ARHGAP26: variants seen among roughly 807,000 people sequenced by gnomAD.
ARHGAP26 encodes rho GTPase-activating protein 26.
In ARHGAP26, 38 loss-of-function variants were observed where a neutral mutation model predicts 104.8. That is an observed-to-expected ratio of 0.36 (90% CI 0.28 to 0.48). The LOEUF (loss-of-function observed/expected upper bound fraction) is 0.48. ARHGAP26 is among the 20% of genes least tolerant of loss of function. ARHGAP26 has a pLI of 0.99. For synonymous variants in ARHGAP26, 341 were observed against 340.0 expected (o/e 1.00, Z -0.03); for missense variants, 704 against 947.9 (o/e 0.74, Z 3.38).
At chr5:143,020,403 A>G (rs1366920106) in intron 12 of ARHGAP26, among the ~76,000 whole-genome samples, 2 of 152,158 alleles carry the variant, frequency 1.3e-5, no homozygotes, top group Admixed American at 6.5e-5. Flanking sequence ...AGATGGCCCA[A>G]TTACATCGTG....
At chr5:143,075,160 G>T (rs765546777) in intron 17 of ARHGAP26, among the ~76,000 whole-genome samples, 1 of 152,108 alleles carries the variant, frequency 6.6e-6, no homozygotes, top group Non-Finnish European at 1.5e-5. Flanking sequence ...TTGTTACCTA[G>T]AACAAGAGTT....
At chr5:143,122,570 GCAACACCT>G (rs1265982588) in intron 18 of ARHGAP26, among the ~76,000 whole-genome samples, 1 of 152,194 alleles carries the variant, frequency 6.6e-6, no homozygotes, top group Non-Finnish European at 1.5e-5. Flanking sequence ...CTAGAATTGG[GCAACACCT>G]CATTCTGTAA....
At chr5:143,109,316 G>A (rs1310889981) in intron 17 of ARHGAP26, among the ~76,000 whole-genome samples, 3 of 152,222 alleles carry the variant, frequency 2.0e-5, no homozygotes, top group Non-Finnish European at 4.4e-5. Context: ...AGATATATAG[G>A]CGCAAAGGCA....
At chr5:142,948,635 T>C (rs1353944063) in intron 11 of ARHGAP26, among the ~76,000 whole-genome samples, 2 of 151,572 alleles carry the variant, frequency 1.3e-5, no homozygotes, top group Non-Finnish European at 2.9e-5. Flanking sequence ...AGACAATTCC[T>C]ATACTTTCCT....
At chr5:143,151,788 T>G (rs1479002501) in intron 20 of ARHGAP26, among the ~76,000 whole-genome samples, 1 of 152,062 alleles carries the variant, frequency 6.6e-6, no homozygotes, top group African/African-American at 2.4e-5. Context: ...AAACCCCATC[T>G]CTACTAAAAA....
chr5:142,771,397 C>A (rs1277965329), intron 1 of ARHGAP26: 5 of 1,231,780 alleles, frequency 4.1e-6, no homozygotes, highest in African/African-American at 1.6e-5. Flanking sequence ...CTGCTTCGCT[C>A]CCTGTACGCA....
chr5:143,148,093 C>G (rs77104676), intron 20 of ARHGAP26, among the ~76,000 whole-genome samples: 1 of 152,126 alleles, frequency 6.6e-6, no homozygotes, highest in South Asian at 2.1e-4. Context: ...TGTCAACTAG[C>G]GCCTTTGCAG....
At chr5:142,986,719 A>G (rs1473869630) in intron 11 of ARHGAP26, among the ~76,000 whole-genome samples, 3 of 152,186 alleles carry the variant, frequency 2.0e-5, no homozygotes, top group Non-Finnish European at 4.4e-5. Context: ...AGCTTTCTAT[A>G]TATGGCTAGC....
chr5:142,903,260 G>A (rs1760631191), intron 7 of ARHGAP26, among the ~76,000 whole-genome samples: 1 of 152,148 alleles, frequency 6.6e-6, no homozygotes, highest in Admixed American at 6.5e-5. Flanking sequence ...ACACTTTTTG[G>A]CATCCAGAGG....
At chr5:142,940,262 A>G (rs1766043588) in intron 11 of ARHGAP26, among the ~76,000 whole-genome samples, 1 of 152,168 alleles carries the variant, frequency 6.6e-6, no homozygotes, top group African/African-American at 2.4e-5. Context: ...TGAGCTTGCT[A>G]GGCTCTAGTG....
intron 20 of ARHGAP26, chr5:143,170,627 A>G (rs1336453189): frequency 6.6e-6 from 1 of 152,252 alleles, no homozygotes; most frequent in Non-Finnish European, 1.5e-5. Flanking sequence ...CAGGCATTTT[A>G]CATGTGTGTA....
intron 1 of ARHGAP26, among the ~76,000 whole-genome samples, chr5:142,790,213 G>T (rs1759515891): frequency 6.6e-6 from 1 of 152,200 alleles, no homozygotes; most frequent in Admixed American, 6.5e-5. Flanking sequence ...ACTGAGTGAT[G>T]GATGGTAGAG....
chr5:143,092,385 C>T (rs535258411), intron 17 of ARHGAP26, among the ~76,000 whole-genome samples: 10 of 152,182 alleles, frequency 6.6e-5, no homozygotes, highest in Middle Eastern at 3.4e-3. Flanking sequence ...AGGATGGTCT[C>T]GATCTCCTGA....
chr5:142,995,824 A>C (rs1169519211), intron 11 of ARHGAP26, among the ~76,000 whole-genome samples: 1 of 152,246 alleles, frequency 6.6e-6, no homozygotes, highest in African/African-American at 2.4e-5. Flanking sequence ...ATGGAATACT[A>C]TGCAGCCATA....
chr5:143,021,200 A>G (rs1308028528), intron 12 of ARHGAP26, among the ~76,000 whole-genome samples: 1 of 152,146 alleles, frequency 6.6e-6, no homozygotes, highest in Non-Finnish European at 1.5e-5. Flanking sequence ...TATTTTGTCA[A>G]TGTCAGTATG....
chr5:143,114,116 A>G (rs1302375271), intron 17 of ARHGAP26, among the ~76,000 whole-genome samples: 2 of 152,216 alleles, frequency 1.3e-5, no homozygotes, highest in African/African-American at 2.4e-5. Flanking sequence ...AGTACCCACC[A>G]TAAGCATTCA....
At chr5:143,036,896 T>G (rs1392195089) in intron 12 of ARHGAP26, among the ~76,000 whole-genome samples, 1 of 152,248 alleles carries the variant, frequency 6.6e-6, no homozygotes, top group Non-Finnish European at 1.5e-5. Context: ...CACCTTATGC[T>G]GCAGTTTCTT....
chr5:143,060,313 A>G (rs185069322), intron 17 of ARHGAP26, among the ~76,000 whole-genome samples: 31 of 152,344 alleles, frequency 2.0e-4, no homozygotes, highest in African/African-American at 7.0e-4. Context: ...GTTCAAAGGC[A>G]AGCATTTTGT....
chr5:142,851,767 A>G (rs1157295519), intron 1 of ARHGAP26, among the ~76,000 whole-genome samples: 1 of 152,200 alleles, frequency 6.6e-6, no homozygotes, highest in African/African-American at 2.4e-5. Context: ...TTCTCCAGCC[A>G]CATGGTCTTG....
Sources: gnomAD v4.1 joint callset for allele counts (sites outside exome capture counted in the v4.1 genomes callset) on GRCh38, gnomAD v4.1.1 for gene constraint, MANE v1.5 for transcripts, NCBI Gene and HGNC (gene_info 2026-07-23, HGNC 2026-07-21) for gene names.